The following ZBTB7C variants were observed in gnomAD, a reference collection of about 807,000 sequenced individuals.
The protein encoded by ZBTB7C is zinc finger and BTB domain containing 7C, also known as zinc finger and BTB domain-containing protein 7C.
In ZBTB7C, 8 loss-of-function variants were observed where a neutral mutation model predicts 25.7. The observed-to-expected ratio is 0.31, with a 90% CI of 0.18 to 0.56. ZBTB7C has a LOEUF of 0.56. ZBTB7C is among the 20% of genes least tolerant of loss of function. The probability of loss-of-function intolerance (pLI) is 0.91; values close to 1 mark genes in which losing one functional copy is unlikely to be tolerated. For synonymous variants in ZBTB7C, 394 were observed against 369.0 expected, an observed-to-expected ratio of 1.07 and a Z score of -0.78; for missense variants, 824 against 855.2, an observed-to-expected ratio of 0.96 and a Z score of 0.46.
chr18:48,351,269 A>G (rs2046856417), intron 1 of ZBTB7C, among the ~76,000 whole-genome samples: 1 of 152,096 alleles, frequency 6.6e-6, no homozygotes, highest in African/African-American at 2.4e-5. Context: ...GGATGAACCC[A>G]GGAAGCCCTT....
chr18:48,152,041 G>A (rs899277483), intron 3 of ZBTB7C, among the ~76,000 whole-genome samples: 2 of 152,186 alleles, frequency 1.3e-5, no homozygotes, highest in Admixed American at 1.3e-4. Flanking sequence ...GGGCAAGGGG[G>A]TGAGTTGGCC....
intron 1 of ZBTB7C, among the ~76,000 whole-genome samples, chr18:48,343,893 C>T (rs1598914377): frequency 2.0e-5 from 3 of 152,350 alleles, no homozygotes; most frequent in East Asian, 3.9e-4. Context: ...CCCTCCCCCG[C>T]CTGCTTTGGT....
intron 3 of ZBTB7C, chr18:48,165,338 A>G (rs2041206807): frequency 1.2e-5 from 5 of 417,876 alleles, no homozygotes; most frequent in South Asian, 8.8e-5. Flanking sequence ...CGTCCTTCAG[A>G]GACAATGAGT....
chr18:48,304,078 G>T (rs2045608448), intron 2 of ZBTB7C, among the ~76,000 whole-genome samples: 1 of 152,132 alleles, frequency 6.6e-6, no homozygotes, highest in Non-Finnish European at 1.5e-5. Flanking sequence ...GACAAAGCCA[G>T]GAATGAACCC....
intron 3 of ZBTB7C, among the ~76,000 whole-genome samples, chr18:48,091,367 G>C (rs957990677): frequency 2.7e-5 from 4 of 150,836 alleles, no homozygotes; most frequent in African/African-American, 9.8e-5. Flanking sequence ...GTAGGCATGA[G>C]CCACCATGCT....
At chr18:48,216,063 T>A (rs995105302) in intron 2 of ZBTB7C, among the ~76,000 whole-genome samples, 3 of 152,156 alleles carry the variant, frequency 2.0e-5, no homozygotes, top group African/African-American at 7.2e-5. Flanking sequence ...TGTCCAACCC[T>A]CTCTTCCCTT....
chr18:48,029,607 AGGCCGCCTTGTCGGGGGCCG>A lies in ZBTB7C; in HGVS notation c.1493_1512del (p.Pro498LeufsTer63). The A allele has an allele frequency of 6.7e-7, 1 of 1,487,910 alleles. No individual in the cohort carries two copies. The highest frequency in any genetic ancestry group is 8.8e-7 in the Non-Finnish European group (1 of 1,130,076). The allele number at this position is 1,487,910 out of a possible 1,614,324, so 92.2% of individuals were successfully genotyped here. ...TCGCCCAGCGCAGGGGGCATCACGA[AGGCCGCCTTGTCGGGGGCCG>A]GGCCGCCGGGCCCGAAGAGCAGGCT... On this transcript the variant is annotated frameshift_variant, in exon 5 of 5. Coordinates refer to ENST00000590800, the MANE Select transcript of ZBTB7C (RefSeq NM_001318841.2). LOFTEE classifies it low-confidence loss of function (END_TRUNC).
At chr18:48,355,804 T>C (rs1382435003) in intron 1 of ZBTB7C, among the ~76,000 whole-genome samples, 1 of 152,224 alleles carries the variant, frequency 6.6e-6, no homozygotes, top group Non-Finnish European at 1.5e-5. Context: ...CTTCAGGCAC[T>C]GGACACTCCC....
At chr18:48,302,893 A>AG (rs1165040632) in intron 2 of ZBTB7C, among the ~76,000 whole-genome samples, 3 of 152,182 alleles carry the variant, frequency 2.0e-5, no homozygotes, top group African/African-American at 7.2e-5. Flanking sequence ...TTGCAACCCC[A>AG]GGGCCCACAA....
intron 3 of ZBTB7C, among the ~76,000 whole-genome samples, chr18:48,073,173 G>A (rs1442525719): frequency 2.0e-5 from 3 of 152,170 alleles, no homozygotes; most frequent in South Asian, 2.1e-4. Context: ...GGACTTGTCC[G>A]ACTTCGCTTT....
chr18:48,411,677 G>A (rs2048384675), upstream of ZBTB7C, among the ~76,000 whole-genome samples: 1 of 152,198 alleles, frequency 6.6e-6, no homozygotes, highest in Admixed American at 6.5e-5. Flanking sequence ...TGTAGTTCTG[G>A]GGGTGAGGGC....
chr18:48,349,481 A>G (rs2046815111), intron 1 of ZBTB7C, among the ~76,000 whole-genome samples: 1 of 139,790 alleles, frequency 7.2e-6, no homozygotes. Flanking sequence ...ACAAATGAAT[A>G]AAGCAGATCC....
In ZBTB7C at chr18:48,287,655, T is replaced by C. The variant is rs934272948; in HGVS notation, c.-79+50519A>G. The stretch of plus-strand genomic sequence containing the variant: ...TCATTCATGAATAAAGATGCAAAAA[T>C]GGCTGATAAATAATTGATAAACCAA... On this transcript the variant is annotated intron_variant, in intron 2 of 4. Transcript: ENST00000590800. Among the ~76,000 whole-genome samples the C allele has an allele frequency of 7.9e-5, 12 of 152,228 alleles. No individual in the cohort carries two copies. In the East Asian group the frequency reaches 1.3e-3, roughly 17 times the overall value.
intron 2 of ZBTB7C, among the ~76,000 whole-genome samples, chr18:48,222,892 T>C (rs972264258): frequency 2.0e-5 from 3 of 152,180 alleles, no homozygotes; most frequent in Admixed American, 2.0e-4. Flanking sequence ...GCATGAAATC[T>C]GCAGAGGAGA....
At chr18:48,155,949 A>G (rs10853564) in intron 3 of ZBTB7C, among the ~76,000 whole-genome samples, 59,551 of 151,752 alleles carry the variant, frequency 0.39, 13,168 homozygotes, top group East Asian at 0.53. Context: ...CAGACCCTAT[A>G]GACCCATACT....
intron 2 of ZBTB7C, among the ~76,000 whole-genome samples, chr18:48,310,660 C>T (rs962292045): frequency 7.2e-5 from 11 of 152,186 alleles, no homozygotes; most frequent in South Asian, 4.1e-4. Context: ...CAAACTGCTT[C>T]GCTGGATTTT....
chr18:48,260,525 T>C (rs1280251476), intron 2 of ZBTB7C, among the ~76,000 whole-genome samples: 1 of 152,198 alleles, frequency 6.6e-6, no homozygotes, highest in African/African-American at 2.4e-5. Flanking sequence ...AATAAAGCTG[T>C]TGAAAACAAC....
At chr18:48,129,902 G>T (rs1035541666) in intron 3 of ZBTB7C, among the ~76,000 whole-genome samples, 5 of 152,084 alleles carry the variant, frequency 3.3e-5, no homozygotes, top group African/African-American at 9.7e-5. Flanking sequence ...TCAGATCTCC[G>T]AATAAACCGG....
chr18:48,162,390 T>A (rs1224730390), intron 3 of ZBTB7C: 2 of 456,640 alleles, frequency 4.4e-6, no homozygotes, highest in African/African-American at 4.0e-5. Flanking sequence ...ATGCCTCAGT[T>A]GTTGCATCTG....
Sources: gnomAD v4.1 joint callset for allele counts (sites outside exome capture counted in the v4.1 genomes callset) on GRCh38, gnomAD v4.1.1 for gene constraint, MANE v1.5 for transcripts, NCBI Gene and HGNC (gene_info 2026-07-23, HGNC 2026-07-21) for gene names.